Variants in FBLN7 observed in about 807,000 individuals in gnomAD.
FBLN7 encodes the protein fibulin 7.
Under a neutral mutation model 44.0 loss-of-function variants are expected in FBLN7, and 31 were observed. That is an observed-to-expected ratio of 0.70 (90% CI 0.53 to 0.95). The LOEUF is 0.95. Among genes scored for constraint, FBLN7 ranks in the 40% least tolerant of loss-of-function variants. The pLI, the probability that FBLN7 is intolerant of heterozygous loss-of-function variation, is 0.00. For missense variants in FBLN7, 573 were observed against 618.5 expected (o/e 0.93, Z 0.78); for synonymous variants, 262 against 253.4 (o/e 1.03, Z -0.32).
At chr2:112,198,160 C>T in the FBLN7 span, among the ~76,000 whole-genome samples, 1 of 152,212 alleles carries the variant, frequency 6.6e-6, no homozygotes, top group Non-Finnish European at 1.5e-5. Flanking sequence ...TAACAATATT[C>T]CTGCAGCAGC....
chr2:112,174,688 G>T (rs963391922), intron 3 of FBLN7, among the ~76,000 whole-genome samples: 2 of 152,100 alleles, frequency 1.3e-5, no homozygotes, highest in Admixed American at 1.3e-4. Context: ...TGGCCTATGG[G>T]GTTTTTTTTG....
At chr2:112,175,657 A>G in intron 3 of FBLN7, 57 bp from the exon 4 acceptor site, 1 of 1,596,622 alleles carries the variant, frequency 6.3e-7, no homozygotes, top group Non-Finnish European at 8.6e-7. Context: ...TTTTTATTGT[A>G]TTTGTTTTAG....
At chr2:112,209,748 A>C in the FBLN7 span, among the ~76,000 whole-genome samples, 2 of 152,132 alleles carry the variant, frequency 1.3e-5, no homozygotes, top group Non-Finnish European at 2.9e-5. Context: ...GGGAAGATGC[A>C]TGTCTTCACA....
intron 3 of FBLN7, among the ~76,000 whole-genome samples, chr2:112,168,508 C>G (rs1369424511): frequency 6.6e-6 from 1 of 152,210 alleles, no homozygotes; most frequent in Non-Finnish European, 1.5e-5. Context: ...TCTGCCTGCA[C>G]CGACACTTCT....
the FBLN7 span, chr2:112,234,176 C>A: frequency 1.2e-6 from 2 of 1,610,194 alleles, no homozygotes; most frequent in Non-Finnish European, 1.7e-6. Flanking sequence ...TTGCGTTCCA[C>A]TGTATGTTGG....
Position 112,187,390 on chromosome 2 carries a change from C to T in FBLN7, c.1204C>T (p.Leu402=). The T allele has an allele frequency of 6.2e-7, 1 of 1,614,176 alleles. No individual in the cohort carries two copies. The highest frequency in any genetic ancestry group is 1.1e-5 in the South Asian group (1 of 91,088). The change falls in exon 8 of 8, where the codon CTG becomes TTG. Residue 402 remains leucine, a synonymous_variant. Coordinates refer to ENST00000331203, the MANE Select transcript of FBLN7 (RefSeq NM_153214.3). This position sits in a 1 kb window ranked among gnomAD's most constrained non-coding sequence, Gnocchi z 5.1. ...QTGDLILVQN[L]EGPQTLEVDV... Reference sequence around the variant, plus strand: ...TGGGGATCTGATCCTTGTGCAGAACCTGGAGGGGCCTCAGACGCTGGAGGT... The same window carrying T: ...TGGGGATCTGATCCTTGTGCAGAACTTGGAGGGGCCTCAGACGCTGGAGGT...
intron 7 of FBLN7, among the ~76,000 whole-genome samples, chr2:112,186,496 T>C (rs973182373): frequency 6.6e-6 from 1 of 151,972 alleles, no homozygotes; most frequent in Non-Finnish European, 1.5e-5. Context: ...AAAAATTAGC[T>C]GGGCGTGGTG....
At chr2:112,168,236 C>T (rs1395351563) in intron 3 of FBLN7, among the ~76,000 whole-genome samples, 1 of 152,236 alleles carries the variant, frequency 6.6e-6, no homozygotes, top group African/African-American at 2.4e-5. Context: ...CTGACTTCCA[C>T]ACCAAAGAGC....
At chr2:112,140,397 C>A (rs1387166256) in intron 1 of FBLN7, among the ~76,000 whole-genome samples, 1 of 152,222 alleles carries the variant, frequency 6.6e-6, no homozygotes, top group Non-Finnish European at 1.5e-5. Context: ...GCTGGGGGAC[C>A]CGGGCTTGCC....
the FBLN7 span, among the ~76,000 whole-genome samples, chr2:112,229,962 C>T: frequency 4.9e-5 from 7 of 141,546 alleles, no homozygotes; most frequent in African/African-American, 1.3e-4. Context: ...AAACAAAAAA[C>T]GAAAAGACCG....
intron 1 of FBLN7, among the ~76,000 whole-genome samples, chr2:112,149,245 C>A (rs1337635471): frequency 6.6e-6 from 1 of 152,052 alleles, no homozygotes; most frequent in East Asian, 1.9e-4. Flanking sequence ...GCCCTGGGGG[C>A]ATTGGGCAGT....
the FBLN7 span, chr2:112,212,912 A>G: frequency 1.3e-5 from 2 of 149,996 alleles, no homozygotes; most frequent in Non-Finnish European, 3.0e-5. Context: ...CTTTAGGCGC[A>G]TTACCAAATC....
chr2:112,235,482 A>C, the FBLN7 span, among the ~76,000 whole-genome samples: 1 of 152,212 alleles, frequency 6.6e-6, no homozygotes, highest in Admixed American at 6.5e-5. Context: ...TACCTGAACC[A>C]CAGGGCTTCA....
chr2:112,159,354 T>G lies in FBLN7; in HGVS notation c.76-322T>G, dbSNP rs1681601442. 7.2e-5 allele frequency among the ~76,000 whole-genome samples: 11 copies of G among 152,290 alleles called. No individual in the cohort carries two copies. The South Asian group carries it at 2.1e-3, about 29-fold the overall frequency. On this transcript the variant is annotated intron_variant, in intron 1 of 7. Transcript: ENST00000331203. Reference sequence around the variant, plus strand: ...GCCAAGGCCCAGGGTTTTCAGAGCATTAACTTAGAGTGAAGAATTAGAGAG... The same window carrying G: ...GCCAAGGCCCAGGGTTTTCAGAGCAGTAACTTAGAGTGAAGAATTAGAGAG...
At chr2:112,211,735 C>G in the FBLN7 span, 1 of 147,940 alleles carries the variant, frequency 6.8e-6, no homozygotes, top group Non-Finnish European at 1.5e-5. Context: ...GAGTAACATA[C>G]AATAACTAAA....
the FBLN7 span, among the ~76,000 whole-genome samples, chr2:112,197,260 CACACACACACACACAGAGAGAG>C: frequency 7.8e-5 from 10 of 128,106 alleles, no homozygotes; most frequent in South Asian, 1.6e-3. Context: ...CACACACACA[CACACACACACACACAGAGAGAG>C]AGAGAGAGAG....
At chr2:112,141,860 G>A (rs1344473487) in intron 1 of FBLN7, among the ~76,000 whole-genome samples, 1 of 152,200 alleles carries the variant, frequency 6.6e-6, no homozygotes, top group Non-Finnish European at 1.5e-5. Flanking sequence ...TCATATGTTT[G>A]CAGCTGCTGC....
intron 2 of FBLN7, among the ~76,000 whole-genome samples, chr2:112,160,154 C>A (rs1232374774): frequency 6.6e-5 from 10 of 151,778 alleles, no homozygotes; most frequent in African/African-American, 2.4e-4. Flanking sequence ...CCACGCCCGG[C>A]TAATTTTTTG....
the FBLN7 span, among the ~76,000 whole-genome samples, chr2:112,220,069 G>A: frequency 4.6e-5 from 7 of 152,176 alleles, no homozygotes; most frequent in African/African-American, 1.7e-4. Flanking sequence ...TCCTCCTGAA[G>A]ACAGCATACC....
Sources: gnomAD v4.1 joint callset for allele counts (sites outside exome capture counted in the v4.1 genomes callset) on GRCh38, gnomAD v4.1.1 for gene constraint, Gnocchi (gnomAD v3.1) non-coding constraint, MANE v1.5 for transcripts, NCBI Gene and HGNC (gene_info 2026-07-23, HGNC 2026-07-21) for gene names.